Variants in CCDC38 observed in about 807,000 individuals in gnomAD.
CCDC38 encodes the protein coiled-coil domain-containing protein 38.
Under a neutral mutation model 72.8 loss-of-function variants are expected in CCDC38, and 69 were observed. That is an observed-to-expected ratio of 0.95 (90% CI 0.78 to 1.16). The LOEUF is 1.16. CCDC38 is among the 50% of genes most tolerant of loss of function. The probability of loss-of-function intolerance (pLI) is 0.00; values close to 1 mark genes in which losing one functional copy is unlikely to be tolerated. For synonymous variants in CCDC38, 201 were observed against 213.2 expected (o/e 0.94, Z 0.50); for missense variants, 626 against 638.9 (o/e 0.98, Z 0.22).
intron 2 of CCDC38, among the ~76,000 whole-genome samples, chr12:95,932,077 T>G (rs11837453): frequency 0.052 from 7,948 of 152,082 alleles, 558 homozygotes; most frequent in African/African-American, 0.16. Flanking sequence ...TTGAAGACTT[T>G]GGCAATGACC....
At chr12:95,876,928 G>A (rs1002457722) in intron 13 of CCDC38, among the ~76,000 whole-genome samples, 1 of 152,150 alleles carries the variant, frequency 6.6e-6, no homozygotes, top group Non-Finnish European at 1.5e-5. Context: ...TTAAAAGCCA[G>A]TGCCCTTATA....
At chr12:95,907,442 C>G (rs1475464963) in intron 4 of CCDC38, among the ~76,000 whole-genome samples, 1 of 115,026 alleles carries the variant, frequency 8.7e-6, no homozygotes, top group Non-Finnish European at 1.7e-5. Flanking sequence ...GGCGGCTGGC[C>G]GGGCAGGGGG....
chr12:95,908,333 GCGCCTGCAA>G (rs2080038087), intron 4 of CCDC38, among the ~76,000 whole-genome samples: 1 of 149,802 alleles, frequency 6.7e-6, no homozygotes, highest in African/African-American at 2.5e-5. Context: ...GTGGCGGCGC[GCGCCTGCAA>G]TCGCAGGCAC....
At chr12:95,893,252 G>A (rs1016922941) in intron 8 of CCDC38, among the ~76,000 whole-genome samples, 2 of 148,476 alleles carry the variant, frequency 1.3e-5, no homozygotes, top group Non-Finnish European at 3.0e-5. Context: ...TAAGGTTATT[G>A]TTGTTTTCTT....
intron 4 of CCDC38, among the ~76,000 whole-genome samples, chr12:95,910,137 G>A (rs992593865): frequency 1.3e-5 from 2 of 152,046 alleles, no homozygotes; most frequent in African/African-American, 2.4e-5. Flanking sequence ...GATATGGTTC[G>A]ATACCTAAAA....
chr12:95,907,221 C>T (rs1232968496), intron 4 of CCDC38, among the ~76,000 whole-genome samples: 6 of 140,356 alleles, frequency 4.3e-5, no homozygotes, highest in South Asian at 2.4e-4. Context: ...CCATGTCTAC[C>T]TCTTTCTACA....
intron 8 of CCDC38, among the ~76,000 whole-genome samples, chr12:95,894,150 C>T (rs1250014347): frequency 1.3e-5 from 2 of 151,906 alleles, no homozygotes; most frequent in Non-Finnish European, 2.9e-5. Context: ...ACCTGGGAGG[C>T]GGAGGTTGCA....
rs185987958 is a variant in CCDC38, at chr12:95,888,840, T to C, written c.872-334A>G. Among the ~76,000 whole-genome samples the C allele has an allele frequency of 2.4e-4, 36 of 152,132 alleles. No individual in the cohort carries two copies. The East Asian group carries it at 6.2e-3, about 26-fold the overall frequency. On this transcript the variant is annotated intron_variant, in intron 9 of 15. Coordinates refer to ENST00000344280, the MANE Select transcript of CCDC38 (RefSeq NM_182496.3). ...CTATAACTATATATCATTCGCCCCA[T>C]TGTAGTGTGTAGTTCTGGGATGCAG...
At chr12:95,925,783 C>T (rs1228580278) in intron 2 of CCDC38, among the ~76,000 whole-genome samples, 1 of 151,690 alleles carries the variant, frequency 6.6e-6, no homozygotes, top group African/African-American at 2.4e-5. Context: ...GTCTTTTCTG[C>T]ATCTATTGAG....
chr12:95,903,377 A>G (rs756025510), intron 5 of CCDC38: 59 of 681,138 alleles, frequency 8.7e-5, no homozygotes, highest in Non-Finnish European at 6.1e-5. Context: ...AATGTCTTTC[A>G]TTTTTTTTTC....
intron 5 of CCDC38, among the ~76,000 whole-genome samples, chr12:95,900,030 G>A (rs1396580004): frequency 6.6e-6 from 1 of 152,158 alleles, no homozygotes; most frequent in African/African-American, 2.4e-5. Flanking sequence ...GGATTTCTGA[G>A]GGAGGAATGT....
rs770198207 is a variant in CCDC38, at chr12:95,879,653, T to C, written c.1133A>G (p.Gln378Arg). 2.4e-5 allele frequency: 38 copies of C among 1,587,122 alleles called. No homozygotes were observed. Among genetic ancestry groups the C allele is most frequent in the Non-Finnish European group, 2.8e-5 (33 of 1,159,348 alleles). ...EEVNKREKVI[Q>R]DKTNSNIEFL... ...GTTTATAATGACTTACGTTTTATCC[T>C]GTATAACTTTTTCTCTTTTGTTTAC... The change falls in exon 12 of 16, where the codon CAG becomes CGG. Residue 378 changes from glutamine to arginine, a missense_variant. Physicochemically the swap from Gln to Arg is conservative, Grantham distance 43. Transcript: ENST00000344280. This position sits in a 1 kb window ranked among gnomAD's most constrained non-coding sequence, Gnocchi z 5.5.
At chr12:95,895,175 G>C (rs1420223230) in intron 7 of CCDC38, 29 bp from the exon 8 acceptor site, 2 of 1,532,872 alleles carry the variant, frequency 1.3e-6, no homozygotes, top group Non-Finnish European at 1.8e-6. Context: ...GATATGATTA[G>C]GTATATCAGT....
chr12:95,867,335 TAACCTA>T (rs2079531027), intron 15 of CCDC38, 146 bp from the exon 16 acceptor site: 1 of 613,254 alleles, frequency 1.6e-6, no homozygotes, highest in South Asian at 2.0e-5. Context: ...AAGGGACTTA[TAACCTA>T]ACGGATGTCT....
intron 2 of CCDC38, among the ~76,000 whole-genome samples, chr12:95,923,486 T>C (rs7980974): frequency 0.53 from 79,931 of 151,748 alleles, 21,705 homozygotes; most frequent in East Asian, 0.92. Context: ...CTTCTCTTCT[T>C]CCAAGAGAAA....
chr12:95,880,051 A>T (rs112797502), intron 11 of CCDC38: 71 of 262,774 alleles, frequency 2.7e-4, no homozygotes, highest in African/African-American at 1.4e-3. Context: ...AGGGTGAGGA[A>T]AAGGAGACAG....
At chr12:95,929,870 AG>A (rs1386299985) in intron 2 of CCDC38, among the ~76,000 whole-genome samples, 2 of 152,142 alleles carry the variant, frequency 1.3e-5, no homozygotes, top group Non-Finnish European at 2.9e-5. Context: ...TGAAGCCTCT[AG>A]GGGAGAATCC....
At chr12:95,940,265 C>T (rs1400269601) in intron 1 of CCDC38, among the ~76,000 whole-genome samples, 1 of 152,118 alleles carries the variant, frequency 6.6e-6, no homozygotes, top group Admixed American at 6.5e-5. Flanking sequence ...AATATCAGTG[C>T]AAATCTGGGG....
chr12:95,895,269 T>C (rs1373012884), intron 7 of CCDC38, 123 bp from the exon 8 acceptor site: 2 of 586,966 alleles, frequency 3.4e-6, no homozygotes, highest in Non-Finnish European at 5.5e-6. Flanking sequence ...TCAAAAAGGA[T>C]AAATATGGCC....
Sources: gnomAD v4.1 joint callset for allele counts (sites outside exome capture counted in the v4.1 genomes callset) on GRCh38, gnomAD v4.1.1 for gene constraint, Gnocchi (gnomAD v3.1) non-coding constraint, MANE v1.5 for transcripts, NCBI Gene and HGNC (gene_info 2026-07-23, HGNC 2026-07-21) for gene names.